The following GPC6 variants were observed in gnomAD, a reference collection of about 807,000 sequenced individuals.
The protein encoded by GPC6 is glypican 6.
In GPC6, 14 loss-of-function variants were observed where a neutral mutation model predicts 55.2. That is an observed-to-expected ratio of 0.25 (90% confidence interval 0.17 to 0.40). The LOEUF (loss-of-function observed/expected upper bound fraction) is 0.40. GPC6 is among the 10% of genes least tolerant of loss of function. The pLI, the probability that GPC6 is intolerant of heterozygous loss-of-function variation, is 1.00. For missense variants in GPC6, 641 were observed against 708.5 expected, an observed-to-expected ratio of 0.90 and a Z score of 1.08; for synonymous variants, 278 against 259.6, an observed-to-expected ratio of 1.07 and a Z score of -0.68.
At chr13:94,290,429 T>TAAAAAAAA (rs532958421) in intron 5 of GPC6, among the ~76,000 whole-genome samples, 6 of 99,014 alleles carry the variant, frequency 6.1e-5, no homozygotes, top group East Asian at 2.8e-4. Flanking sequence ...TCTAGAAAGG[T>TAAAAAAAA]AAAAAAAAAA....
At chr13:93,940,342 T>G (rs569489818) in intron 3 of GPC6, among the ~76,000 whole-genome samples, 2 of 151,766 alleles carry the variant, frequency 1.3e-5, no homozygotes, top group African/African-American at 4.8e-5. Flanking sequence ...TTATAACCTC[T>G]ACAGAGAAGG....
chr13:94,395,678 G>A (rs1880863574), intron 7 of GPC6, among the ~76,000 whole-genome samples: 1 of 152,202 alleles, frequency 6.6e-6, no homozygotes, highest in Non-Finnish European at 1.5e-5. Flanking sequence ...AGAATTTCAA[G>A]CATATGGATA....
intron 3 of GPC6, among the ~76,000 whole-genome samples, chr13:93,968,508 A>G (rs1374764481): frequency 6.6e-6 from 1 of 152,166 alleles, no homozygotes; most frequent in Non-Finnish European, 1.5e-5. Flanking sequence ...ATATAAGACA[A>G]TATTCAGAGT....
chr13:94,079,613 G>T (rs1885037614), intron 4 of GPC6, among the ~76,000 whole-genome samples: 1 of 152,114 alleles, frequency 6.6e-6, no homozygotes, highest in Non-Finnish European at 1.5e-5. Flanking sequence ...TAACTAATAG[G>T]ACATTTCAAG....
At chr13:93,654,899 C>A (rs977565982) in intron 2 of GPC6, among the ~76,000 whole-genome samples, 2 of 148,190 alleles carry the variant, frequency 1.3e-5, no homozygotes, top group Non-Finnish European at 3.0e-5. Flanking sequence ...TGCAGTGGCG[C>A]GATCTAGGCT....
chr13:93,359,475 T>C (rs1880971171), intron 1 of GPC6, among the ~76,000 whole-genome samples: 1 of 152,156 alleles, frequency 6.6e-6, no homozygotes, highest in African/African-American at 2.4e-5. Context: ...ACAAAAGTTA[T>C]CTACTTAGAA....
intron 6 of GPC6, among the ~76,000 whole-genome samples, chr13:94,327,917 C>T (rs1877208035): frequency 6.6e-6 from 1 of 152,146 alleles, no homozygotes; most frequent in African/African-American, 2.4e-5. Context: ...CCACATTGCA[C>T]ACCTGGAGAT....
At chr13:93,268,341 A>T (rs60085090) in intron 1 of GPC6, among the ~76,000 whole-genome samples, 5,145 of 152,262 alleles carry the variant, frequency 0.034, 269 homozygotes, top group African/African-American at 0.12. Flanking sequence ...CCCAGTTCAT[A>T]TAGACAATCT....
At chr13:94,195,752 C>T (rs1047878908) in intron 4 of GPC6, among the ~76,000 whole-genome samples, 4 of 152,216 alleles carry the variant, frequency 2.6e-5, no homozygotes, top group African/African-American at 9.6e-5. Flanking sequence ...GCATCAGCCA[C>T]CATCTCAGAA....
intron 1 of GPC6, among the ~76,000 whole-genome samples, chr13:93,372,890 G>A (rs1302224773): frequency 6.6e-6 from 1 of 152,094 alleles, no homozygotes; most frequent in African/African-American, 2.4e-5. Flanking sequence ...AAACAACTGT[G>A]GTTTGTATTT....
chr13:93,844,132 T>G (rs1888070200), intron 3 of GPC6, among the ~76,000 whole-genome samples: 1 of 152,112 alleles, frequency 6.6e-6, no homozygotes, highest in Admixed American at 6.6e-5. Flanking sequence ...GGCCATCATT[T>G]GGTGTAAACA....
At chr13:93,862,452 CTGATTCAGCCAGCAAGT>C (rs1449683165) in intron 3 of GPC6, among the ~76,000 whole-genome samples, 12 of 151,562 alleles carry the variant, frequency 7.9e-5, no homozygotes, top group Non-Finnish European at 1.8e-4. Flanking sequence ...AGTATTGCAT[CTGATTCAGCCAGCAAGT>C]TGAGTCACAA....
At chr13:93,896,162 A>G (rs1876000641) in intron 3 of GPC6, among the ~76,000 whole-genome samples, 2 of 152,042 alleles carry the variant, frequency 1.3e-5, no homozygotes, top group Admixed American at 6.6e-5. Flanking sequence ...ACCCCGATAA[A>G]TACGTACAGC....
chr13:93,837,307 G>C (rs1363049365), intron 3 of GPC6, among the ~76,000 whole-genome samples: 1 of 152,192 alleles, frequency 6.6e-6, no homozygotes, highest in East Asian at 1.9e-4. Flanking sequence ...CATATTGAAA[G>C]AAGTTAGGGA....
intron 2 of GPC6, among the ~76,000 whole-genome samples, chr13:93,652,432 A>G (rs922268275): frequency 6.6e-6 from 1 of 152,206 alleles, no homozygotes; most frequent in Non-Finnish European, 1.5e-5. Flanking sequence ...AACTGAACTC[A>G]GATAACAAGA....
chr13:94,169,963 C>A (rs943675444), intron 4 of GPC6, among the ~76,000 whole-genome samples: 1 of 152,066 alleles, frequency 6.6e-6, no homozygotes, highest in Non-Finnish European at 1.5e-5. Flanking sequence ...GTTGGGCAGG[C>A]GGGACCTCTG....
At chr13:93,845,893 T>C (rs902904373) in intron 3 of GPC6, among the ~76,000 whole-genome samples, 1 of 147,156 alleles carries the variant, frequency 6.8e-6, no homozygotes, top group Middle Eastern at 3.2e-3. Flanking sequence ...AGATGACGAG[T>C]TAGTGGGTGC....
intron 4 of GPC6, among the ~76,000 whole-genome samples, chr13:94,070,330 C>T (rs770879216): frequency 1.3e-5 from 2 of 152,112 alleles, no homozygotes; most frequent in African/African-American, 2.4e-5. Flanking sequence ...TAGGAATTGT[C>T]GGAGTTACAG....
intron 2 of GPC6, among the ~76,000 whole-genome samples, chr13:93,653,743 A>C (rs1185252578): frequency 6.6e-6 from 1 of 152,162 alleles, no homozygotes. Flanking sequence ...TCCAAGTTAA[A>C]TTCTTTTCAG....
Sources: gnomAD v4.1 joint callset for allele counts (sites outside exome capture counted in the v4.1 genomes callset) on GRCh38, gnomAD v4.1.1 for gene constraint, MANE v1.5 for transcripts, NCBI Gene and HGNC (gene_info 2026-07-23, HGNC 2026-07-21) for gene names.